ALPL: variants seen among roughly 807,000 people sequenced by gnomAD.
The protein encoded by ALPL is alkaline phosphatase, biomineralization associated.
In ALPL, 42 loss-of-function variants were observed where a neutral mutation model predicts 51.3. That is an observed-to-expected ratio of 0.82 (90% CI 0.64 to 1.06). The LOEUF is 1.06. Among genes scored for constraint, ALPL ranks in the 50% least tolerant of loss-of-function variants. The probability of loss-of-function intolerance (pLI) is 0.00; values close to 1 mark genes in which losing one functional copy is unlikely to be tolerated. For missense variants in ALPL, 589 were observed against 709.4 expected (o/e 0.83, Z 1.93); for synonymous variants, 279 against 296.4 (o/e 0.94, Z 0.60).
intron 1 of ALPL, among the ~76,000 whole-genome samples, chr1:21,513,218 C>T (rs1302454267): frequency 1.3e-5 from 2 of 152,096 alleles, no homozygotes; most frequent in Admixed American, 1.3e-4. Context: ...GACTGAGGCC[C>T]AGAGAGGAGA....
intron 1 of ALPL, among the ~76,000 whole-genome samples, chr1:21,538,178 G>C (rs1644134649): frequency 6.6e-6 from 1 of 152,188 alleles, no homozygotes; most frequent in Non-Finnish European, 1.5e-5. Flanking sequence ...CTCTCACCAG[G>C]ATGGTCCCCA....
chr1:21,524,216 C>T lies in ALPL; in HGVS notation c.-105+14699C>T, dbSNP rs548247603. On this transcript the variant is annotated intron_variant, in intron 1 of 11. Coordinates refer to ENST00000374840, the MANE Select transcript of ALPL (RefSeq NM_000478.6). The stretch of plus-strand genomic sequence containing the variant: ...ACGGGGTTTCACCATGTTGCTCAGG[C>T]TGGTCTCAAACTCCTGACCTCATGA... 9.9e-4 allele frequency among the ~76,000 whole-genome samples: 151 copies of T among 152,160 alleles called. 2 individuals carry two copies. Among genetic ancestry groups the T allele is most frequent in the South Asian group, 1.5e-3 (7 of 4,822 alleles).
chr1:21,544,990 T>C (rs993213283), intron 1 of ALPL, among the ~76,000 whole-genome samples: 1 of 152,126 alleles, frequency 6.6e-6, no homozygotes, highest in Non-Finnish European at 1.5e-5. Context: ...AAAGTCTTTA[T>C]TCCCACCTTA....
chr1:21,575,958 G>A (rs1644725383), intron 10 of ALPL, 34 bp downstream of exon 10: 1 of 1,612,914 alleles, frequency 6.2e-7, no homozygotes, highest in Non-Finnish European at 8.5e-7. Context: ...GACACTCCTG[G>A]GGTCTCCTGT....
chr1:21,555,751 C>T (rs944049233), intron 2 of ALPL, among the ~76,000 whole-genome samples: 4 of 151,532 alleles, frequency 2.6e-5, no homozygotes, highest in Admixed American at 2.0e-4. Context: ...CACTAGTGAA[C>T]TCATCTTCAA....
rs552201420 is a variant in ALPL, at chr1:21,577,924, G to T, written c.*276G>T. 41 of 571,772 alleles carry T rather than the reference G, an allele frequency of 7.2e-5. No individual in the cohort carries two copies. Among genetic ancestry groups the T allele is most frequent in the Middle Eastern group, 9.2e-4 (2 of 2,166 alleles). 35.4% of individuals were successfully genotyped at this position (571,772 alleles called of 1,614,324 possible). Reference sequence around the variant, plus strand: ...GGGCAGGCAGAGAGTACAGACTGCAGACATTCTCAAAGCCTCTTATTTTTC... The same window carrying T: ...GGGCAGGCAGAGAGTACAGACTGCATACATTCTCAAAGCCTCTTATTTTTC... On this transcript the variant is annotated 3_prime_UTR_variant, in exon 12 of 12. Coordinates refer to ENST00000374840, the MANE Select transcript of ALPL (RefSeq NM_000478.6).
chr1:21,528,401 G>C (rs1643981046), intron 1 of ALPL, among the ~76,000 whole-genome samples: 1 of 145,486 alleles, frequency 6.9e-6, no homozygotes. Context: ...AGGCTGGAGT[G>C]CAGTGGTGTG....
At chr1:21,520,290 A>ATT (rs112276188) in intron 1 of ALPL, among the ~76,000 whole-genome samples, 1 of 150,910 alleles carries the variant, frequency 6.6e-6, no homozygotes, top group African/African-American at 2.4e-5. Flanking sequence ...TGCCCAGCTA[A>ATT]TTTTTTTTAT....
At chr1:21,574,260 A>C (rs889427112) in intron 9 of ALPL, 2 of 961,024 alleles carry the variant, frequency 2.1e-6, no homozygotes, top group African/African-American at 3.5e-5. Flanking sequence ...TGTGACCTCT[A>C]CCTGTGCACT....
intron 1 of ALPL, among the ~76,000 whole-genome samples, chr1:21,522,843 C>T (rs1283533419): frequency 2.0e-5 from 3 of 152,178 alleles, no homozygotes; most frequent in African/African-American, 7.2e-5. Flanking sequence ...GGTCATAAAT[C>T]ATTGTAACAG....
At chr1:21,567,491 G>T in intron 6 of ALPL, among the ~76,000 whole-genome samples, 1 of 152,204 alleles carries the variant, frequency 6.6e-6, no homozygotes, top group East Asian at 1.9e-4. Flanking sequence ...GCTGTGGGCT[G>T]CCCCAAAGAC....
intron 1 of ALPL, among the ~76,000 whole-genome samples, chr1:21,535,607 C>T (rs1391502192): frequency 6.6e-6 from 1 of 151,644 alleles, no homozygotes; most frequent in Non-Finnish European, 1.5e-5. Context: ...AGAGCAAGAC[C>T]CTGTCTCAAA....
At chr1:21,572,710 A>G (rs1313287949) in intron 8 of ALPL, among the ~76,000 whole-genome samples, 1 of 152,186 alleles carries the variant, frequency 6.6e-6, no homozygotes, top group African/African-American at 2.4e-5. Context: ...GAAGGACACC[A>G]GAATTGGAAG....
chr1:21,574,184 C>G (rs2148185764), intron 9 of ALPL: 1 of 985,498 alleles, frequency 1.0e-6, no homozygotes, highest in East Asian at 1.1e-4. Flanking sequence ...CAGGCTCTTT[C>G]AGCGCCGGCC....
intron 1 of ALPL, among the ~76,000 whole-genome samples, chr1:21,518,489 C>T (rs76132209): frequency 0.019 from 2,876 of 151,956 alleles, 97 homozygotes; most frequent in African/African-American, 0.065. Flanking sequence ...TGTCAAACCC[C>T]GAATAAATAA....
chr1:21,546,977 C>T (rs1644261316), intron 1 of ALPL, among the ~76,000 whole-genome samples: 1 of 152,220 alleles, frequency 6.6e-6, no homozygotes, highest in Non-Finnish European at 1.5e-5. Context: ...CCAAGGGGTT[C>T]CCTTCCATGT....
intron 8 of ALPL, among the ~76,000 whole-genome samples, chr1:21,571,597 G>A (rs556645634): frequency 3.2e-4 from 48 of 151,900 alleles, no homozygotes; most frequent in African/African-American, 9.9e-4. Flanking sequence ...GTATGAACCC[G>A]GGAGGCGGAG....
intron 1 of ALPL, among the ~76,000 whole-genome samples, chr1:21,548,279 G>A (rs753952133): frequency 7.2e-5 from 11 of 152,214 alleles, no homozygotes; most frequent in Non-Finnish European, 1.6e-4. Context: ...AGGGGTCCTA[G>A]GGGTGGGGCC....
intron 7 of ALPL, among the ~76,000 whole-genome samples, chr1:21,568,637 G>A (rs1289949127): frequency 2.6e-5 from 4 of 152,094 alleles, no homozygotes; most frequent in Non-Finnish European, 5.9e-5. Flanking sequence ...AGGCGCCCTG[G>A]GGGGACAGAT....
Sources: gnomAD v4.1 joint callset for allele counts (sites outside exome capture counted in the v4.1 genomes callset) on GRCh38, gnomAD v4.1.1 for gene constraint, MANE v1.5 for transcripts, NCBI Gene and HGNC (gene_info 2026-07-23, HGNC 2026-07-21) for gene names.